UFL1: variants seen among roughly 807,000 people sequenced by gnomAD.
UFL1 encodes the protein E3 UFM1-protein ligase 1.
Under a neutral mutation model 99.3 loss-of-function variants are expected in UFL1, and 78 were observed. That is an observed-to-expected ratio of 0.79 (90% CI 0.65 to 0.95). The LOEUF (loss-of-function observed/expected upper bound fraction) is 0.95. Ranked by LOEUF, UFL1 falls within the 40% of genes least tolerant of loss-of-function variation. UFL1 has a pLI of 0.00. For missense variants in UFL1, 936 were observed against 937.0 expected (o/e 1.00, Z 0.01); for synonymous variants, 335 against 322.2 (o/e 1.04, Z -0.42).
In UFL1 at chr6:96,555,266, A is replaced by G. The variant is rs1770139899; in HGVS notation, c.*1763A>G. On this transcript the variant is annotated 3_prime_UTR_variant, in exon 19 of 19. Coordinates refer to ENST00000369278, the MANE Select transcript of UFL1 (RefSeq NM_015323.5). ...AAAGTTATTTAAAATAAAGTTACCTATTCTACTAAATTTTATAGTACTTTG... is the reference window on the plus strand; with the variant it reads ...AAAGTTATTTAAAATAAAGTTACCTGTTCTACTAAATTTTATAGTACTTTG... 6.6e-6 allele frequency: 1 copy of G among 152,118 alleles called. No individual in the cohort carries two copies. The highest frequency in any genetic ancestry group is 1.5e-5 in the Non-Finnish European group (1 of 68,006). 9.4% of individuals were successfully genotyped at this position (152,118 alleles called of 1,614,324 possible). A position where few individuals can be genotyped will look rare whatever the true frequency, so the allele number is the denominator to read the frequency against.
Position 96,525,477 on chromosome 6 carries a change from T to C in UFL1, c.350+83T>C. The C allele has an allele frequency of 2.0e-6, 2 of 986,270 alleles. 1 individual carries two copies. 61.1% of individuals were successfully genotyped at this position (986,270 alleles called of 1,614,324 possible). ...ATAGTGTTTAAATTTAGGCCAATTA[T>C]GGCCAGTTAGACATTTCATTTATAA... On this transcript the variant is annotated intron_variant, in intron 4 of 18. Coordinates refer to ENST00000369278, the MANE Select transcript of UFL1 (RefSeq NM_015323.5).
At position 96,553,478 on chromosome 6, in the gene UFL1, G is replaced by A. The variant is rs1189611133; in HGVS notation, c.2360G>A (p.Arg787Lys). ...SSIKDLVLKS[R>K]KSSVTEE The stretch of plus-strand genomic sequence containing the variant: ...ATTAAAGACCTTGTTCTCAAATCTA[G>A]GAAATCATCTGTGACGGAAGAGTAA... The change falls in exon 19 of 19, where the codon AGG becomes AAG. Residue 787 changes from arginine (R) to lysine (K), a missense_variant. By Grantham distance (26) the Arg-to-Lys change is conservative (BLOSUM62 2). Transcript: ENST00000369278. 45 of 1,613,208 alleles carry A rather than the reference G, an allele frequency of 2.8e-5. No homozygotes were observed. The highest frequency in any genetic ancestry group is 3.8e-5 in the Non-Finnish European group (45 of 1,179,668).
At chr6:96,531,460 C>T (rs1388513071) in intron 6 of UFL1, among the ~76,000 whole-genome samples, 1 of 152,086 alleles carries the variant, frequency 6.6e-6, no homozygotes. Flanking sequence ...GATTAATTCC[C>T]CTTATGTGAC....
Position 96,543,016 on chromosome 6 carries a change from G to A in UFL1, c.1402G>A (p.Gly468Arg), listed in dbSNP as rs1451639994. The change falls in exon 12 of 19, where the codon GGA (glycine) becomes AGA (arginine). Residue 468 changes from glycine to arginine, a missense_variant and splice_region_variant. Gly to Arg is a moderately radical substitution (Grantham distance 125). Coordinates refer to ENST00000369278, the MANE Select transcript of UFL1 (RefSeq NM_015323.5). ...SDDESQSSHT[G>R]KKKPEISFMF... ...TGATGAATCTCAATCATCCCACACT[G>A]GTAGGTAGCTTTTCTTTACTTTTCC... 6.3e-7 allele frequency: 1 copy of A among 1,586,374 alleles called. No individual in the cohort carries two copies. Among genetic ancestry groups the A allele is most frequent in the South Asian group, 1.2e-5 (1 of 86,362 alleles).
intron 3 of UFL1, 56 bp downstream of exon 3, chr6:96,524,466 G>T: frequency 7.3e-7 from 1 of 1,379,180 alleles, no homozygotes; most frequent in Admixed American, 2.2e-5. Context: ...TTGATACTGT[G>T]AATTTGTTCA....
At chr6:96,551,361 T>C in intron 15 of UFL1, 72 bp from the exon 16 acceptor site, 1 of 810,878 alleles carries the variant, frequency 1.2e-6, no homozygotes, top group South Asian at 1.7e-5. Flanking sequence ...TTACAGTATT[T>C]TTTTCACTTT....
intron 2 of UFL1, 58 bp from the exon 3 acceptor site, chr6:96,524,324 T>A: frequency 1.4e-6 from 2 of 1,477,152 alleles, no homozygotes; most frequent in Non-Finnish European, 1.8e-6. Context: ...AATTTATAGC[T>A]TTGGGTTGGT....
rs1305726841 is a variant in UFL1 at position 96,523,219 on chromosome 6, C to T, written c.151C>T (p.Leu51Phe). Residue 51 changes from leucine to phenylalanine, a missense_variant, in exon 2 of 19, where the codon CTC becomes TTC. Transcript: ENST00000369278. ...AQKQLEVVHT[L>F]DGKEYITPAQ... is the part of the protein sequence containing the mutation. ...GAAACAGCTAGAAGTAGTTCATACA[C>T]TCGATGGAAAGGAATATATTACTCC... 25 of 1,612,848 alleles carry T rather than the reference C, an allele frequency of 1.6e-5. No homozygotes were observed. The highest frequency in any genetic ancestry group is 4.5e-5 in the East Asian group (2 of 44,836).
Position 96,553,869 on chromosome 6 carries a change from C to G in UFL1, c.*366C>G, listed in dbSNP as rs932938270. On this transcript the variant is annotated 3_prime_UTR_variant, in exon 19 of 19. Transcript: ENST00000369278. ...TCCCTGGGGAAGGATTCATTTGTTGCGAGTGCCAGTATACTTAAATGTATA... is the reference window on the plus strand; with the variant it reads ...TCCCTGGGGAAGGATTCATTTGTTGGGAGTGCCAGTATACTTAAATGTATA... The G allele has an allele frequency of 5.8e-6, 1 of 172,964 alleles. No individual in the cohort carries two copies. Among genetic ancestry groups the G allele is most frequent in the Non-Finnish European group, 1.2e-5 (1 of 81,360 alleles). 10.7% of individuals were successfully genotyped at this position (172,964 alleles called of 1,614,324 possible). A position where few individuals can be genotyped will look rare whatever the true frequency, so the allele number is the denominator to read the frequency against.
rs1214257889 is a variant in UFL1 at position 96,551,875 on chromosome 6, C to T, written c.1937C>T (p.Ala646Val). Reference protein sequence around the residue: ...EDFISCLDSAAEACDIMVKRG... With the variant: ...EDFISCLDSAVEACDIMVKRG... ...TTTATTTCTTGTCTGGATTCTGCAG[C>T]AGAAGCTTGTGATATTATGGTGAAA... Residue 646 changes from alanine (A) to valine (V), a missense_variant, in exon 17 of 19, where the codon GCA becomes GTA. Ala to Val is a moderately conservative substitution (Grantham distance 64). Transcript: ENST00000369278. The T allele has an allele frequency of 1.2e-6, 2 of 1,608,336 alleles. No individual in the cohort carries two copies. Among genetic ancestry groups the T allele is most frequent in the Non-Finnish European group, 1.7e-6 (2 of 1,176,848 alleles).
intron 6 of UFL1, among the ~76,000 whole-genome samples, chr6:96,529,153 T>C (rs1769746113): frequency 6.6e-6 from 1 of 152,178 alleles, no homozygotes. Flanking sequence ...TTTTCTAAAA[T>C]AAGAATTTCT....
chr6:96,528,460 C>A (rs779354107), intron 5 of UFL1, 42 bp from the exon 6 acceptor site: 33 of 1,596,760 alleles, frequency 2.1e-5, no homozygotes, highest in Non-Finnish European at 2.8e-5. Context: ...ATGTGTAATT[C>A]TTTTCTTTTA....
Position 96,549,653 on chromosome 6 carries a change from G to T in UFL1, c.1688-16G>T, listed in dbSNP as rs547874717. The T allele has an allele frequency of 1.3e-6, 2 of 1,598,472 alleles. No individual in the cohort carries two copies. Among genetic ancestry groups the T allele is most frequent in the Non-Finnish European group, 1.7e-6 (2 of 1,174,070 alleles). ...GGGGAATAAATTAGTTTTAATAAAGGTCCTTTATTTTCCAGATGACACACA... is the reference window on the plus strand; with the variant it reads ...GGGGAATAAATTAGTTTTAATAAAGTTCCTTTATTTTCCAGATGACACACA... On this transcript the variant is annotated splice_polypyrimidine_tract_variant and intron_variant, in intron 14 of 18. Coordinates refer to ENST00000369278, the MANE Select transcript of UFL1 (RefSeq NM_015323.5).
In UFL1 at chr6:96,540,725, T is replaced by A. The variant is rs962265643; in HGVS notation, c.1279+70T>A. 3.9e-6 allele frequency: 6 copies of A among 1,528,036 alleles called. No homozygotes were observed. In the African/African-American group the frequency reaches 8.5e-5, roughly 22 times the overall value. The allele number at this position is 1,528,036 out of a possible 1,614,324, so 94.7% of individuals were successfully genotyped here. Reference sequence around the variant, plus strand: ...GCAGTGAACTTTGCATTTATCACATTTATTATGCCCTTTGAAAGGCCCTTT... The same window carrying A: ...GCAGTGAACTTTGCATTTATCACATATATTATGCCCTTTGAAAGGCCCTTT... On this transcript the variant is annotated intron_variant, in intron 11 of 18. Transcript: ENST00000369278.
rs1168858291 is a variant in UFL1 at position 96,542,876 on chromosome 6, A to G, written c.1280-18A>G. The G allele has an allele frequency of 6.4e-7, 1 of 1,554,168 alleles. No homozygotes were observed. The highest frequency in any genetic ancestry group is 1.4e-5 in the African/African-American group (1 of 70,990). On this transcript the variant is annotated intron_variant, in intron 11 of 18. Transcript: ENST00000369278. ...TGATTTAGTTAGGTAATGCTAACTAATGTCATTTTCCCACCAGAGGGCAGT... is the reference window on the plus strand; with the variant it reads ...TGATTTAGTTAGGTAATGCTAACTAGTGTCATTTTCCCACCAGAGGGCAGT...
chr6:96,523,657 T>A (rs1769658965), intron 2 of UFL1, among the ~76,000 whole-genome samples: 1 of 152,302 alleles, frequency 6.6e-6, no homozygotes, highest in Admixed American at 6.5e-5. Context: ...GATTATAGAT[T>A]TTTGAAAATC....
At chr6:96,527,944 C>T (rs1477319604) in intron 5 of UFL1, among the ~76,000 whole-genome samples, 6 of 152,168 alleles carry the variant, frequency 3.9e-5, no homozygotes, top group Non-Finnish European at 8.8e-5. Flanking sequence ...TGGAGAAATA[C>T]TCTGCTGAAC....
intron 1 of UFL1, among the ~76,000 whole-genome samples, chr6:96,522,157 C>G (rs992043533): frequency 6.6e-6 from 1 of 151,982 alleles, no homozygotes; most frequent in Admixed American, 6.5e-5. Context: ...CGCCCTGGAG[C>G]CCCCCAGCCC....
Position 96,525,361 on chromosome 6 carries a change from A to C in UFL1, c.317A>C (p.His106Pro). The C allele has an allele frequency of 6.2e-7, 1 of 1,611,382 alleles. No homozygotes were observed. Among genetic ancestry groups the C allele is most frequent in the South Asian group, 1.1e-5 (1 of 90,430 alleles). ...GGTGACATTATTAAATCAGAAAAGC[A>C]TGTTCAGTTAGTGTTGGGACAACTG... ...RIGDIIKSEK[H>P]VQLVLGQLID... The change falls in exon 4 of 19, where the codon CAT becomes CCT. Residue 106 changes from histidine to proline, a missense_variant. Transcript: ENST00000369278.
Sources: gnomAD v4.1 joint callset for allele counts (sites outside exome capture counted in the v4.1 genomes callset) on GRCh38, gnomAD v4.1.1 for gene constraint, MANE v1.5 for transcripts, NCBI Gene and HGNC (gene_info 2026-07-23, HGNC 2026-07-21) for gene names.